The following PLEC variants were observed in gnomAD, a reference collection of about 807,000 sequenced individuals.
The protein encoded by PLEC is plectin.
Under a neutral mutation model 392.8 loss-of-function variants are expected in PLEC, and 216 were observed. The ratio of observed to expected loss-of-function variants is 0.55; its 90% CI spans 0.49 to 0.62. The LOEUF (loss-of-function observed/expected upper bound fraction) is 0.62. Among genes scored for constraint, PLEC ranks in the 20% least tolerant of loss-of-function variants. PLEC has a pLI of 0.00. For synonymous variants in PLEC, 3,621 were observed against 2,980.6 expected (o/e 1.21, Z -7.00); for missense variants, 6,863 against 6,563.4 (o/e 1.05, Z -1.58).
In PLEC at chr8:143,925,443, C is replaced by T. The variant is rs1192430089; in HGVS notation, c.4486G>A (p.Ala1496Thr). ...TGCACCTGCCTCCGCAAGCGCTCGG[C>T]CTCCTCCTGCGCCTGTCGCTTTTGT... ...EAQKRQAQEE[A>T]ERLRRQVQDE... Residue 1496 changes from alanine to threonine, a missense_variant, in exon 31 of 32, where the codon GCC becomes ACC. Coordinates refer to ENST00000345136, the MANE Select transcript of PLEC (RefSeq NM_201384.3). The T allele has an allele frequency of 1.9e-6, 3 of 1,595,642 alleles. No individual in the cohort carries two copies. Among genetic ancestry groups the T allele is most frequent in the Non-Finnish European group, 1.7e-6 (2 of 1,177,912 alleles).
intron 1 of PLEC, chr8:143,950,093 C>G: frequency 7.0e-7 from 1 of 1,427,784 alleles, no homozygotes; most frequent in Non-Finnish European, 9.2e-7. Context: ...GCTGACCACT[C>G]CAACCACTCC....
rs370508572 is a variant in PLEC at position 143,929,621 on chromosome 8, C to G, written c.2923+25G>C. 4.5e-5 allele frequency: 72 copies of G among 1,608,718 alleles called. No individual in the cohort carries two copies. The African/African-American group carries it at 5.7e-4, about 13-fold the overall frequency. On this transcript the variant is annotated intron_variant, in intron 23 of 31. Coordinates refer to ENST00000345136, the MANE Select transcript of PLEC (RefSeq NM_201384.3). ...CACCGCCCACCTCGCACCAGCCCAA[C>G]CGCCCCAGCCCTGCCGTGCCCTACC...
intron 9 of PLEC, 35 bp downstream of exon 9, chr8:143,934,775 C>T (rs1554721373): frequency 1.2e-6 from 2 of 1,611,832 alleles, no homozygotes; most frequent in Non-Finnish European, 1.7e-6. Flanking sequence ...GCTCTCAGGG[C>T]AGGCCCAGGA....
intron 5 of PLEC, 121 bp downstream of exon 5, chr8:143,936,858 G>T: frequency 1.3e-6 from 1 of 771,788 alleles, no homozygotes; most frequent in Non-Finnish European, 2.2e-6. Context: ...CCATACCTAC[G>T]GCGCCAGTCA....
At chr8:143,944,090 GT>G, upstream of PLEC, 1 of 719,364 alleles carries the variant, frequency 1.4e-6, no homozygotes, top group Non-Finnish European at 2.2e-6. Context: ...CCCTCCGCGG[GT>G]CCGGCCCTCG....
At chr8:143,961,955 T>C (rs958385952) in intron 1 of PLEC, among the ~76,000 whole-genome samples, 1 of 152,150 alleles carries the variant, frequency 6.6e-6, no homozygotes, top group Non-Finnish European at 1.5e-5. Flanking sequence ...TACAGGCATG[T>C]GCCACCTGTA....
rs376095775 is a variant in PLEC at position 143,918,899 on chromosome 8, T to A, written c.10922A>T (p.Asp3641Val). ...IIRQQGLASY[D>V]YVRRRLTAED... ...AGCCGTGAGGCGGCGGCGCACGTAG[T>A]CGTAGGAGGCCAGACCCTGCTGGCG... is the stretch of plus-strand genomic sequence containing the variant. Residue 3641 changes from aspartate to valine, a missense_variant, in exon 32 of 32, where the codon GAC (aspartate) becomes GTC (valine). Coordinates refer to ENST00000345136, the MANE Select transcript of PLEC (RefSeq NM_201384.3). The A allele has an allele frequency of 6.2e-7, 1 of 1,611,890 alleles. No homozygotes were observed.
chr8:143,952,058 G>A (rs1167024429), upstream of PLEC, among the ~76,000 whole-genome samples: 1 of 152,226 alleles, frequency 6.6e-6, no homozygotes, highest in Admixed American at 6.5e-5. Context: ...CGGTGGGGGG[G>A]AGTGGGAGAG....
At chr8:143,944,581 G>A, upstream of PLEC, 1 of 1,010,234 alleles carries the variant, frequency 9.9e-7, no homozygotes, top group Non-Finnish European at 1.4e-6. Flanking sequence ...CTCAGCCCCA[G>A]CCCTCTGGCC....
At chr8:143,943,973 CAGGGCGAGCG>C, upstream of PLEC, 1 of 1,549,700 alleles carries the variant, frequency 6.5e-7, no homozygotes, top group East Asian at 2.4e-5. Flanking sequence ...TCCCTGCGTG[CAGGGCGAGCG>C]AGGGGGAGCG....
upstream of PLEC, among the ~76,000 whole-genome samples, chr8:143,954,559 C>G (rs909745724): frequency 3.3e-5 from 5 of 152,228 alleles, no homozygotes; most frequent in East Asian, 7.7e-4. This position sits in a 1 kb window ranked among gnomAD's most constrained non-coding sequence, Gnocchi z 4.6. Flanking sequence ...ACCCACCCCC[C>G]ACGACCACCA....
upstream of PLEC, among the ~76,000 whole-genome samples, chr8:143,955,906 T>A (rs985839613): frequency 3.3e-5 from 5 of 151,890 alleles, no homozygotes; most frequent in African/African-American, 4.8e-5. Context: ...TCAATTTTTT[T>A]AATTTAATGC....
chr8:143,970,447 G>A (rs1833365718), intron 1 of PLEC, among the ~76,000 whole-genome samples: 1 of 152,150 alleles, frequency 6.6e-6, no homozygotes, highest in South Asian at 2.1e-4. Flanking sequence ...TTTACAGGGA[G>A]CTCAGACTGA....
In PLEC at chr8:143,926,650, G is replaced by A. The variant is rs1825290840; in HGVS notation, c.4044+134C>T. 5.0e-6 allele frequency: 4 copies of A among 801,968 alleles called. No individual in the cohort carries two copies. In the East Asian group the frequency reaches 9.8e-5, roughly 20 times the overall value. The allele number at this position is 801,968 out of a possible 1,614,324, so 49.7% of individuals were successfully genotyped here. ...GGGGCAGGCTGAGCTGGGGGCAGGG[G>A]GTGCTGGCAGCGCCAGTGGGGAGAG... On this transcript the variant is annotated intron_variant, in intron 30 of 31. Transcript: ENST00000345136.
chr8:143,926,676 T>C, intron 30 of PLEC, 108 bp downstream of exon 30: 2 of 916,954 alleles, frequency 2.2e-6, no homozygotes, highest in Non-Finnish European at 1.8e-6. Context: ...GTGGGGAGAG[T>C]GGGGAGGGCC....
chr8:143,932,569 C>A lies in PLEC; in HGVS notation c.1816-8G>T. 6.2e-7 allele frequency: 1 copy of A among 1,612,436 alleles called. No homozygotes were observed. The highest frequency in any genetic ancestry group is 8.5e-7 in the Non-Finnish European group (1 of 1,179,928). On this transcript the variant is annotated splice_polypyrimidine_tract_variant and splice_region_variant and intron_variant, in intron 15 of 31. Coordinates refer to ENST00000345136, the MANE Select transcript of PLEC (RefSeq NM_201384.3). ...GCGGGCCTTGGAGGAGTTCTGTGGGCAGGAGGGTGCGTGTCAGCAGGCCGC... is the reference window on the plus strand; with the variant it reads ...GCGGGCCTTGGAGGAGTTCTGTGGGAAGGAGGGTGCGTGTCAGCAGGCCGC...
At chr8:143,964,084 C>T (rs974432718) in intron 1 of PLEC, among the ~76,000 whole-genome samples, 2 of 152,098 alleles carry the variant, frequency 1.3e-5, no homozygotes, top group Non-Finnish European at 2.9e-5. Flanking sequence ...GGATTACAGG[C>T]GTGAGCCACT....
chr8:143,930,675 G>A lies in PLEC; in HGVS notation c.2305-139C>T, dbSNP rs1826974572. On this transcript the variant is annotated intron_variant, in intron 19 of 31. Transcript: ENST00000345136. The stretch of plus-strand genomic sequence containing the variant: ...GCAGCACTTGGAAGCAGGAGGTATA[G>A]CTGGGACAGGCCCCGGGGGTTGGCC... 8.0e-6 allele frequency: 7 copies of A among 875,280 alleles called. No individual in the cohort carries two copies. The South Asian group carries it at 1.1e-4, about 14-fold the overall frequency. The allele number at this position is 875,280 out of a possible 1,614,324, so 54.2% of individuals were successfully genotyped here.
chr8:143,929,328 A>C, intron 24 of PLEC, 47 bp from the exon 25 acceptor site: 1 of 1,585,686 alleles, frequency 6.3e-7, no homozygotes, highest in South Asian at 1.1e-5. Context: ...AGCGCAGCAC[A>C]CAGCGCCCCT....
Sources: allele counts gnomAD v4.1 joint callset (sites outside exome capture counted in the v4.1 genomes callset), GRCh38; gene constraint gnomAD v4.1.1; non-coding constraint Gnocchi (gnomAD v3.1); transcripts MANE v1.5; gene names NCBI Gene and HGNC (gene_info 2026-07-23, HGNC 2026-07-21).